The following OR4C11 variants were observed in gnomAD, a reference collection of about 807,000 sequenced individuals.
OR4C11 encodes olfactory receptor family 4 subfamily C member 11, also known as olfactory receptor 4C11.
In OR4C11, 15 loss-of-function variants were observed where a neutral mutation model predicts 14.7. The observed-to-expected ratio is 1.02, with a 90% CI of 0.68 to 1.58. OR4C11 has a LOEUF of 1.58. Ranked by LOEUF, OR4C11 falls within the 40% of genes most tolerant of loss-of-function variation. OR4C11 has a pLI of 0.00. For synonymous variants in OR4C11, 146 were observed against 135.0 expected, an observed-to-expected ratio of 1.08 and a Z score of -0.57; for missense variants, 473 against 383.0, an observed-to-expected ratio of 1.24 and a Z score of -1.96.
rs761290071 is a variant in OR4C11 at position 55,603,932 on chromosome 11, T to C, written c.442A>G (p.Ile148Val). Residue 148 changes from isoleucine to valine, a missense_variant, in exon 4 of 4, where the codon ATA becomes GTA. By Grantham distance (29) the Ile-to-Val change is conservative. Coordinates refer to ENST00000641580, the MANE Select transcript of OR4C11 (RefSeq NM_001004700.3). ...GCTGTAGAGTGTATTAAAGACCCTA[T>C]CCAGGCAAGAACAATCAGGATGATG... ...VCIILIVLAW[I>V]GSLIHSTAQI... The C allele has an allele frequency of 1.3e-6, 2 of 1,488,206 alleles. No individual in the cohort carries two copies. The highest frequency in any genetic ancestry group is 1.8e-6 in the Non-Finnish European group (2 of 1,094,484). The allele number at this position is 1,488,206 out of a possible 1,614,324, so 92.2% of individuals were successfully genotyped here.
Position 55,604,362 on chromosome 11 carries a change from AT to A in OR4C11, c.11del (p.Asn4IlefsTer10). On this transcript the variant is annotated frameshift_variant, in exon 4 of 4. Transcript: ENST00000641580. LOFTEE classifies it high-confidence loss of function. Reference sequence around the variant, plus strand: ...ACAGTATGAATTCAGGCACACTGTTATTTTGCTGCATTGTTTCAGTTGATGT... The same window carrying A: ...ACAGTATGAATTCAGGCACACTGTTATTTGCTGCATTGTTTCAGTTGATGT... MQQ[N>X]NSVPEFILLG... The A allele has an allele frequency of 7.7e-7, 1 of 1,306,820 alleles. No individual in the cohort carries two copies. Among genetic ancestry groups the A allele is most frequent in the Non-Finnish European group, 1.0e-6 (1 of 962,500 alleles). The allele number at this position is 1,306,820 out of a possible 1,614,324, so 81.0% of individuals were successfully genotyped here.
rs767460262 is a variant in OR4C11 at position 55,604,122 on chromosome 11, G to A, written c.252C>T (p.Leu84=). The A allele has an allele frequency of 8.1e-6, 12 of 1,476,328 alleles. 2 individuals carry two copies. Among genetic ancestry groups the A allele is most frequent in the Admixed American group, 2.0e-5 (1 of 49,004 alleles). The allele number at this position is 1,476,328 out of a possible 1,614,324, so 91.5% of individuals were successfully genotyped here. A position where few individuals can be genotyped will look rare whatever the true frequency, so the allele number is the denominator to read the frequency against. The change falls in exon 4 of 4, where the codon CTC becomes CTT. Residue 84 remains leucine, a synonymous_variant. Transcript: ENST00000641580. The stretch of plus-strand genomic sequence containing the variant: ...TGTAGGTTATAATTTTCTTTTCAGA[G>A]AGAGCATCCACAATTAATCTAGGGG... The part of the protein sequence containing the change: ...STAPRLIVDA[L]SEKKIITYNE...
In OR4C11 at chr11:55,603,876, G is replaced by T. The variant is rs368790096; in HGVS notation, c.498C>A (p.Phe166Leu). ...AQIILALRLP[F>L]CGPYLIDHYC... ...AATGATCAATCAAATAGGGTCCACA[G>T]AAAGGCAATCTTAAGGCCAGGATAA... is the stretch of plus-strand genomic sequence containing the variant. Residue 166 changes from phenylalanine to leucine, a missense_variant, in exon 4 of 4, where the codon TTC (phenylalanine) becomes TTA (leucine). Coordinates refer to ENST00000641580, the MANE Select transcript of OR4C11 (RefSeq NM_001004700.3). 4.7e-6 allele frequency: 7 copies of T among 1,491,584 alleles called. 2 individuals carry two copies. Among genetic ancestry groups the T allele is most frequent in the East Asian group, 2.6e-5 (1 of 38,722 alleles). The allele number at this position is 1,491,584 out of a possible 1,614,324, so 92.4% of individuals were successfully genotyped here. A position where few individuals can be genotyped will look rare whatever the true frequency, so the allele number is the denominator to read the frequency against.
Position 55,603,958 on chromosome 11 carries a change from C to T in OR4C11, c.416G>A (p.Cys139Tyr). The change falls in exon 4 of 4, where the codon TGC becomes TAC. Residue 139 changes from cysteine (C) to tyrosine (Y), a missense_variant. Coordinates refer to ENST00000641580, the MANE Select transcript of OR4C11 (RefSeq NM_001004700.3). ...RYPTIMSQQV[C>Y]IILIVLAWIG... ...CCAGGCAAGAACAATCAGGATGATG[C>T]AGACCTGCTGGCTCATGATGGTTGG... 1 of 1,489,712 alleles carries T rather than the reference C, an allele frequency of 6.7e-7. No individual in the cohort carries two copies. The highest frequency in any genetic ancestry group is 1.4e-5 in the African/African-American group (1 of 72,782). 92.3% of individuals were successfully genotyped at this position (1,489,712 alleles called of 1,614,324 possible).
chr11:55,605,466 C>A (rs983521141), intron 2 of OR4C11, among the ~76,000 whole-genome samples, 179 bp from the exon 3 acceptor site: 1 of 138,010 alleles, frequency 7.2e-6, no homozygotes, highest in African/African-American at 2.5e-5. Flanking sequence ...CATATCCTGA[C>A]TTCAAGAAAG....
At chr11:55,605,851 A>G (rs1488643679) in intron 2 of OR4C11, among the ~76,000 whole-genome samples, 2 of 139,002 alleles carry the variant, frequency 1.4e-5, no homozygotes, top group African/African-American at 5.0e-5. Context: ...TATCAGGTTA[A>G]TAAAGTAATC....
intron 3 of OR4C11, among the ~76,000 whole-genome samples, chr11:55,604,636 G>C (rs1857937580): frequency 1.5e-5 from 2 of 137,204 alleles, no homozygotes; most frequent in South Asian, 2.4e-4. Flanking sequence ...GACTGCAGTG[G>C]CATGACAAAA....
chr11:55,605,573 G>T (rs61896196), intron 2 of OR4C11, among the ~76,000 whole-genome samples: 1 of 137,338 alleles, frequency 7.3e-6, no homozygotes, highest in Non-Finnish European at 1.6e-5. Context: ...ATTCCAAATA[G>T]CAACACAGTA....
Position 55,606,272 on chromosome 11 carries a change from A to G in OR4C11, c.-207+250T>C, listed in dbSNP as rs1244971038. Among the ~76,000 whole-genome samples, 6 of 138,298 alleles carry G rather than the reference A, an allele frequency of 4.3e-5. 2 individuals carry two copies. In the East Asian group the frequency reaches 1.4e-3, roughly 33 times the overall value. 90.7% of individuals were successfully genotyped at this position (138,298 alleles called of 152,430 possible). A position where few individuals can be genotyped will look rare whatever the true frequency, so the allele number is the denominator to read the frequency against. On this transcript the variant is annotated intron_variant, in intron 2 of 3. Coordinates refer to ENST00000641580, the MANE Select transcript of OR4C11 (RefSeq NM_001004700.3). ...GGTGTAAATTGAAATGTAAGAGATT[A>G]ATATTGCATGCTTAGAATTGTAACA...
Position 55,603,894 on chromosome 11 carries a change from C to T in OR4C11, c.480G>A (p.Leu160=), listed in dbSNP as rs1857921726. ...GTCCACAGAAAGGCAATCTTAAGGC[C>T]AGGATAATCTGAGCTGTAGAGTGTA... ...SLIHSTAQII[L]ALRLPFCGPY... The change falls in exon 4 of 4, where the codon CTG becomes CTA. Residue 160 remains leucine, a synonymous_variant. Coordinates refer to ENST00000641580, the MANE Select transcript of OR4C11 (RefSeq NM_001004700.3). 6.7e-7 allele frequency: 1 copy of T among 1,487,318 alleles called. No homozygotes were observed. Among genetic ancestry groups the T allele is most frequent in the Middle Eastern group, 1.9e-4 (1 of 5,288 alleles). The allele number at this position is 1,487,318 out of a possible 1,614,324, so 92.1% of individuals were successfully genotyped here.
chr11:55,605,573 G>A (rs61896196), intron 2 of OR4C11, among the ~76,000 whole-genome samples: 7,411 of 137,412 alleles, frequency 0.054, 1,618 homozygotes, highest in Non-Finnish European at 0.083. Context: ...ATTCCAAATA[G>A]CAACACAGTA....
In OR4C11 at chr11:55,603,471, A is replaced by G. The variant is rs1246675001; in HGVS notation, c.903T>C (p.His301=). ...CTTTGTTTTCTGAAATAATTTTGCC[A>G]TGCCATAACTTTCTCATGGCATTTT... is the stretch of plus-strand genomic sequence containing the variant. The part of the protein sequence containing the change: ...EVKNAMRKLW[H]GKIISENKG The change falls in exon 4 of 4, where the codon CAT becomes CAC. Residue 301 remains histidine (H), a synonymous_variant. Transcript: ENST00000641580. 1 of 1,452,536 alleles carries G rather than the reference A, an allele frequency of 6.9e-7. No individual in the cohort carries two copies. 90.0% of individuals were successfully genotyped at this position (1,452,536 alleles called of 1,614,324 possible).
chr11:55,603,429 C>A lies in OR4C11; in HGVS notation c.*12G>T. The A allele has an allele frequency of 7.8e-7, 1 of 1,281,460 alleles. No individual in the cohort carries two copies. Among genetic ancestry groups the A allele is most frequent in the South Asian group, 1.4e-5 (1 of 71,696 alleles). The allele number at this position is 1,281,460 out of a possible 1,614,324, so 79.4% of individuals were successfully genotyped here. The stretch of plus-strand genomic sequence containing the variant: ...GATTTGACTGAAAAAGTAATCAGGT[C>A]AGGCCCTCAATTTATCCTTTGTTTT... On this transcript the variant is annotated 3_prime_UTR_variant, in exon 4 of 4. Transcript: ENST00000641580.
In OR4C11 at chr11:55,605,679, G is replaced by T. The variant is rs1480891139; in HGVS notation, c.-206-392C>A. 1.4e-5 allele frequency among the ~76,000 whole-genome samples: 2 copies of T among 138,088 alleles called. 1 individual carries two copies. Among genetic ancestry groups the T allele is most frequent in the Non-Finnish European group, 3.2e-5 (2 of 62,054 alleles). 90.6% of individuals were successfully genotyped at this position (138,088 alleles called of 152,430 possible). On this transcript the variant is annotated intron_variant, in intron 2 of 3. Coordinates refer to ENST00000641580, the MANE Select transcript of OR4C11 (RefSeq NM_001004700.3). ...TTTTAAAATGTAAATTGATTTCACA[G>T]ATAAGTTTCTGAAAAATATGACACA...
chr11:55,606,879 G>A (rs567393025), intron 1 of OR4C11, among the ~76,000 whole-genome samples, 200 bp from the exon 2 acceptor site: 1 of 138,678 alleles, frequency 7.2e-6, no homozygotes, highest in South Asian at 2.3e-4. Context: ...GATACAAATA[G>A]ACATCATTAC....
Position 55,603,787 on chromosome 11 carries a change from A to G in OR4C11, c.587T>C (p.Leu196Pro). ...AATTGCCCCACTGTTAGACACCAACAGCAGGTTGATCATGTAAGTGTCCAT... is the reference window on the plus strand; with the variant it reads ...AATTGCCCCACTGTTAGACACCAACGGCAGGTTGATCATGTAAGTGTCCAT... ...ACMDTYMINL[L>P]LVSNSGAICS... The change falls in exon 4 of 4, where the codon CTG (leucine) becomes CCG (proline). Residue 196 changes from leucine to proline, a missense_variant. Transcript: ENST00000641580. 1.3e-6 allele frequency: 2 copies of G among 1,487,364 alleles called. 1 individual carries two copies. The highest frequency in any genetic ancestry group is 1.8e-6 in the Non-Finnish European group (2 of 1,092,692). The allele number at this position is 1,487,364 out of a possible 1,614,324, so 92.1% of individuals were successfully genotyped here. A position where few individuals can be genotyped will look rare whatever the true frequency, so the allele number is the denominator to read the frequency against.
chr11:55,603,527 G>C lies in OR4C11; in HGVS notation c.847C>G (p.Leu283Val). The C allele has an allele frequency of 4.7e-6, 7 of 1,476,638 alleles. 1 individual carries two copies. The highest frequency in any genetic ancestry group is 5.5e-6 in the Non-Finnish European group (6 of 1,085,608). 91.5% of individuals were successfully genotyped at this position (1,476,638 alleles called of 1,614,324 possible). A position where few individuals can be genotyped will look rare whatever the true frequency, so the allele number is the denominator to read the frequency against. The change falls in exon 4 of 4, where the codon CTC (leucine) becomes GTC (valine). Residue 283 changes from leucine (L) to valine (V), a missense_variant. Coordinates refer to ENST00000641580, the MANE Select transcript of OR4C11 (RefSeq NM_001004700.3). ...TCTGCATTCCTCAGTGTGTAGATGA[G>C]TGGATTGAGAAAGGGTGTTCCAATA... ...YTIGTPFLNP[L>V]IYTLRNAEVK...
intron 2 of OR4C11, among the ~76,000 whole-genome samples, chr11:55,605,588 A>G (rs1342532446): frequency 7.2e-6 from 1 of 138,728 alleles, no homozygotes; most frequent in Non-Finnish European, 1.6e-5. Flanking sequence ...ACAGTAAAAA[A>G]TTAAAAGGGA....
chr11:55,605,236 A>G lies in OR4C11; in HGVS notation c.-155T>C, dbSNP rs1259939807. ...AAGTTAAATTCGTCCATCTTTCCTT[A>G]TTTTTCTGGGTTCTTCATAAAGTTT... On this transcript the variant is annotated 5_prime_UTR_variant, in exon 3 of 4. It removes the in-frame stop codon of an upstream open reading frame in the 5' UTR. Transcript: ENST00000641580. 3 of 137,812 alleles carry G rather than the reference A, an allele frequency of 2.2e-5. No individual in the cohort carries two copies. The highest frequency in any genetic ancestry group is 4.8e-5 in the Non-Finnish European group (3 of 62,036). 8.5% of individuals were successfully genotyped at this position (137,812 alleles called of 1,614,324 possible). A position where few individuals can be genotyped will look rare whatever the true frequency, so the allele number is the denominator to read the frequency against.
Sources: allele counts gnomAD v4.1 joint callset (sites outside exome capture counted in the v4.1 genomes callset), GRCh38; gene constraint gnomAD v4.1.1; transcripts MANE v1.5; gene names NCBI Gene and HGNC (gene_info 2026-07-23, HGNC 2026-07-21).